Variants in PTBP2 observed in about 807,000 individuals in gnomAD.
PTBP2 encodes the protein polypyrimidine tract binding protein 2.
A neutral mutation model predicts 61.4 loss-of-function variants in PTBP2; 13 were observed. That is an observed-to-expected ratio of 0.21 (90% CI 0.14 to 0.34). The LOEUF is 0.34. PTBP2 is among the 10% of genes least tolerant of loss of function. The pLI is 1.00. For missense variants in PTBP2, 405 were observed against 642.6 expected, an observed-to-expected ratio of 0.63 and a Z score of 4.00; for synonymous variants, 215 against 218.5, an observed-to-expected ratio of 0.98 and a Z score of 0.14.
chr1:96,765,100 A>AT (rs1004198200), intron 3 of PTBP2, among the ~76,000 whole-genome samples: 31 of 148,444 alleles, frequency 2.1e-4, no homozygotes, highest in African/African-American at 4.2e-4. Flanking sequence ...AGCAGCATTC[A>AT]TTTTTTTTTT....
At chr1:96,742,597 C>T (rs1350212124) in intron 2 of PTBP2, among the ~76,000 whole-genome samples, 1 of 149,610 alleles carries the variant, frequency 6.7e-6, no homozygotes, top group Non-Finnish European at 1.5e-5. Context: ...TTAATTTGAT[C>T]CTGAACTCCT....
At chr1:96,805,736 T>C (rs945853730) in intron 9 of PTBP2, among the ~76,000 whole-genome samples, 21 of 152,348 alleles carry the variant, frequency 1.4e-4, no homozygotes, top group Middle Eastern at 3.4e-3. Flanking sequence ...TTTAATACTA[T>C]TATCATTCAC....
chr1:96,729,413 CT>C (rs1651061225), intron 2 of PTBP2, among the ~76,000 whole-genome samples: 1 of 151,982 alleles, frequency 6.6e-6, no homozygotes, highest in Non-Finnish European at 1.5e-5. Flanking sequence ...TTTTTGTCTC[CT>C]TTTTTTGTCT....
downstream of PTBP2, chr1:96,815,148 CAT>C (rs1377934120): frequency 6.6e-6 from 1 of 151,506 alleles, no homozygotes; most frequent in Non-Finnish European, 1.5e-5. Context: ...GCTTTAAAGA[CAT>C]AACTTTTATT....
chr1:96,751,546 G>T, intron 3 of PTBP2, 46 bp downstream of exon 3: 5 of 1,434,322 alleles, frequency 3.5e-6, no homozygotes, highest in Non-Finnish European at 4.8e-6. Flanking sequence ...ATTTTAGGGG[G>T]CAGAATGTTA....
intron 3 of PTBP2, among the ~76,000 whole-genome samples, chr1:96,765,143 T>A (rs1400207694): frequency 6.6e-6 from 1 of 152,192 alleles, no homozygotes; most frequent in Non-Finnish European, 1.5e-5. Context: ...TTGTTTTTTG[T>A]TTTTCTAAAG....
At position 96,813,115 on chromosome 1, in the gene PTBP2, G is replaced by C. The variant is rs41299549; in HGVS notation, c.1466+9G>C. On this transcript the variant is annotated intron_variant, in intron 13 of 13. Coordinates refer to ENST00000674951, the MANE Select transcript of PTBP2 (RefSeq NM_021190.4). Reference sequence around the variant, plus strand: ...GCATTTAAGTTTTTTCAGTAAGCAAGCTTCCTTATCTTTAAATTAGTGACC... The same window carrying C: ...GCATTTAAGTTTTTTCAGTAAGCAACCTTCCTTATCTTTAAATTAGTGACC... 29,262 of 1,602,816 alleles carry C rather than the reference G, an allele frequency of 0.018. 301 individuals are homozygous for C. Among genetic ancestry groups the C allele is most frequent in the Non-Finnish European group, 0.021 (24,524 of 1,172,496 alleles).
chr1:96,729,302 G>A (rs544886683), intron 2 of PTBP2, among the ~76,000 whole-genome samples: 27 of 152,254 alleles, frequency 1.8e-4, no homozygotes, highest in African/African-American at 6.5e-4. Flanking sequence ...GATTACAGGC[G>A]TGAGCCACCA....
At chr1:96,766,696 G>C (rs1311185298) in intron 3 of PTBP2, among the ~76,000 whole-genome samples, 1 of 152,118 alleles carries the variant, frequency 6.6e-6, no homozygotes, top group Admixed American at 6.5e-5. Context: ...TTGGCACTAA[G>C]ATATGAATAC....
chr1:96,790,389 G>A (rs1659668251), intron 8 of PTBP2, among the ~76,000 whole-genome samples: 1 of 152,036 alleles, frequency 6.6e-6, no homozygotes, highest in Non-Finnish European at 1.5e-5. Flanking sequence ...GTGGATTTGG[G>A]TGTTGACATT....
At chr1:96,728,369 A>T (rs1415366261) in intron 2 of PTBP2, among the ~76,000 whole-genome samples, 1 of 152,244 alleles carries the variant, frequency 6.6e-6, no homozygotes, top group Non-Finnish European at 1.5e-5. Flanking sequence ...TGAATATGGT[A>T]CAAAGTGTGG....
At chr1:96,725,280 T>G (rs2100775925) in intron 2 of PTBP2, among the ~76,000 whole-genome samples, 1 of 151,262 alleles carries the variant, frequency 6.6e-6, no homozygotes, top group Middle Eastern at 3.5e-3. Flanking sequence ...GATGTCCAGG[T>G]GTAATGTATT....
chr1:96,721,972 C>T (rs1649629463), intron 1 of PTBP2, 100 bp downstream of exon 1: 1 of 1,481,336 alleles, frequency 6.8e-7, no homozygotes, highest in East Asian at 2.5e-5. Flanking sequence ...CGGCCCCTCC[C>T]AGGGCTGGGC....
chr1:96,724,130 G>A (rs901779240), intron 2 of PTBP2, among the ~76,000 whole-genome samples: 1 of 152,204 alleles, frequency 6.6e-6, no homozygotes, highest in Non-Finnish European at 1.5e-5. Context: ...TTATGGTAGA[G>A]ATCCTTTGGA....
At chr1:96,783,731 A>G (rs1358734461) in intron 7 of PTBP2, among the ~76,000 whole-genome samples, 1 of 152,090 alleles carries the variant, frequency 6.6e-6, no homozygotes, top group Non-Finnish European at 1.5e-5. Flanking sequence ...ACATTAGTAA[A>G]TGAATACCTA....
chr1:96,802,047 T>TA (rs1337260230), intron 8 of PTBP2, among the ~76,000 whole-genome samples: 1 of 150,264 alleles, frequency 6.7e-6, no homozygotes, highest in Non-Finnish European at 1.5e-5. Context: ...CCGTTTCTAC[T>TA]AAAAATACAA....
intron 3 of PTBP2, among the ~76,000 whole-genome samples, chr1:96,763,289 T>C (rs1399496318): frequency 6.6e-6 from 1 of 151,966 alleles, no homozygotes; most frequent in African/African-American, 2.4e-5. Flanking sequence ...CTGGGCACCA[T>C]TGAGCACTGA....
At chr1:96,771,494 C>G (rs1205836532) in intron 5 of PTBP2, 1 of 151,680 alleles carries the variant, frequency 6.6e-6, no homozygotes, top group Non-Finnish European at 1.5e-5. Flanking sequence ...GAAAACTGTT[C>G]CTCATAGATT....
At chr1:96,765,490 C>T (rs1461141581) in intron 3 of PTBP2, among the ~76,000 whole-genome samples, 2 of 152,134 alleles carry the variant, frequency 1.3e-5, no homozygotes, top group Non-Finnish European at 2.9e-5. Context: ...GCAGGTGGAT[C>T]ACTTGAGGCC....
Sources: allele counts gnomAD v4.1 joint callset (sites outside exome capture counted in the v4.1 genomes callset), GRCh38; gene constraint gnomAD v4.1.1; transcripts MANE v1.5; gene names NCBI Gene and HGNC (gene_info 2026-07-23, HGNC 2026-07-21).